Variants in EFCAB11 observed in about 807,000 individuals in gnomAD.
The protein encoded by EFCAB11 is EF-hand calcium binding domain 11, also known as EF-hand calcium-binding domain-containing protein 11.
In EFCAB11, 14 loss-of-function variants were observed where a neutral mutation model predicts 23.0. The observed-to-expected ratio is 0.61, with a 90% CI of 0.40 to 0.95. The LOEUF (loss-of-function observed/expected upper bound fraction) is 0.95, where lower values mean the gene tolerates loss of function less well. Ranked by LOEUF, EFCAB11 falls within the 40% of genes least tolerant of loss-of-function variation. The probability of loss-of-function intolerance (pLI) is 0.00; values close to 1 mark genes in which losing one functional copy is unlikely to be tolerated. For missense variants in EFCAB11, 198 were observed against 195.8 expected (o/e 1.01, Z -0.07); for synonymous variants, 65 against 66.6 (o/e 0.98, Z 0.11).
At chr14:89,925,162 A>C (rs539931519) in intron 5 of EFCAB11, among the ~76,000 whole-genome samples, 1 of 152,370 alleles carries the variant, frequency 6.6e-6, no homozygotes, top group East Asian at 1.9e-4. Flanking sequence ...AGAGAAAGGC[A>C]CTGCAAACAG....
intron 5 of EFCAB11, among the ~76,000 whole-genome samples, chr14:89,881,698 T>C (rs932010713): frequency 4.0e-5 from 6 of 151,606 alleles, no homozygotes; most frequent in Non-Finnish European, 7.4e-5. Flanking sequence ...TCTACCCACC[T>C]TGGCCTCACA....
intron 5 of EFCAB11, among the ~76,000 whole-genome samples, chr14:89,834,153 GACCACAAGGTCAGGAGATAGAA>G (rs1339904436): frequency 2.6e-5 from 4 of 151,110 alleles, no homozygotes; most frequent in East Asian, 1.9e-4. Context: ...AGGAGATAGA[GACCACAAGGTCAGGAGATAGAA>G]ACCATCCTGG....
intron 5 of EFCAB11, chr14:89,831,060 C>G (rs1886867617): frequency 6.6e-6 from 1 of 152,564 alleles, no homozygotes; most frequent in Non-Finnish European, 1.5e-5. Flanking sequence ...GGGGCAAAGG[C>G]AGAATCCTGG....
intron 5 of EFCAB11, among the ~76,000 whole-genome samples, chr14:89,919,185 TGAGAGAGAGAGA>T (rs890466242): frequency 7.2e-6 from 1 of 138,264 alleles, no homozygotes; most frequent in African/African-American, 3.1e-5. Context: ...TCACACTTGA[TGAGAGAGAGAGA>T]GAGAGACAGA....
intron 5 of EFCAB11, among the ~76,000 whole-genome samples, chr14:89,866,252 G>A (rs752634495): frequency 3.3e-5 from 5 of 152,190 alleles, no homozygotes; most frequent in East Asian, 3.9e-4. Context: ...AAATGACACC[G>A]TATGGCAAGA....
intron 5 of EFCAB11, among the ~76,000 whole-genome samples, chr14:89,832,050 C>T (rs1886904019): frequency 6.6e-6 from 1 of 152,140 alleles, no homozygotes; most frequent in Non-Finnish European, 1.5e-5. Flanking sequence ...TGGTGGCTCA[C>T]ACCTGTAATC....
rs761337580 is a variant in EFCAB11 at position 89,883,810 on chromosome 14, C to A, written c.410+47731G>T. On this transcript the variant is annotated intron_variant, in intron 5 of 5. Transcript: ENST00000316738. ...ACCTGTTAGATATAGACAAATTTAA[C>A]AGCATTGTGGAATCTACTACAAATA... Among the ~76,000 whole-genome samples, 4 of 152,114 alleles carry A rather than the reference C, an allele frequency of 2.6e-5. No homozygotes were observed. In the South Asian group the frequency reaches 8.3e-4, roughly 32 times the overall value.
At chr14:89,920,837 G>T (rs1264850310) in intron 5 of EFCAB11, among the ~76,000 whole-genome samples, 6 of 152,130 alleles carry the variant, frequency 3.9e-5, no homozygotes, top group Admixed American at 1.3e-4. Context: ...GTCCGAGGAG[G>T]GTGGATCACT....
chr14:89,942,309 T>C (rs1425204137), intron 3 of EFCAB11, among the ~76,000 whole-genome samples: 1 of 152,194 alleles, frequency 6.6e-6, no homozygotes, highest in Non-Finnish European at 1.5e-5. Flanking sequence ...TCATCACAGA[T>C]CTGCATGATA....
intron 5 of EFCAB11, among the ~76,000 whole-genome samples, chr14:89,811,733 T>C (rs1218333090): frequency 1.3e-5 from 2 of 152,168 alleles, no homozygotes; most frequent in African/African-American, 2.4e-5. Context: ...AGCAGGAATG[T>C]GGCCCTGCTG....
At chr14:89,840,110 T>C (rs1413768544) in intron 5 of EFCAB11, among the ~76,000 whole-genome samples, 2 of 152,238 alleles carry the variant, frequency 1.3e-5, no homozygotes, top group Admixed American at 6.5e-5. Flanking sequence ...CCTTGTACTA[T>C]ACTGTAGTCT....
rs562865054 is a variant in EFCAB11, at chr14:89,799,493, G to A, written c.411-2169C>T. On this transcript the variant is annotated intron_variant, in intron 5 of 5. Coordinates refer to ENST00000316738, the MANE Select transcript of EFCAB11 (RefSeq NM_145231.4). ...TGACAGAGAAGATGTACCGTGGGTAGAATTAGTGACTGGCTGAGGAGAGGA... is the reference window on the plus strand; with the variant it reads ...TGACAGAGAAGATGTACCGTGGGTAAAATTAGTGACTGGCTGAGGAGAGGA... 4 of 152,354 alleles carry A rather than the reference G, an allele frequency of 2.6e-5. No homozygotes were observed. In the East Asian group the frequency reaches 7.7e-4, roughly 29 times the overall value. 9.4% of individuals were successfully genotyped at this position (152,354 alleles called of 1,614,324 possible). A position where few individuals can be genotyped will look rare whatever the true frequency, so the allele number is the denominator to read the frequency against.
chr14:89,811,660 C>T (rs1886154278), intron 5 of EFCAB11, among the ~76,000 whole-genome samples: 1 of 152,112 alleles, frequency 6.6e-6, no homozygotes, highest in Non-Finnish European at 1.5e-5. Context: ...AGCCATGAAC[C>T]AAGGAAGGCA....
chr14:89,954,652 G>A lies in EFCAB11; in HGVS notation c.9C>T (p.Phe3=). The part of the protein sequence containing the change: MF[F]SEARARSRTW... ...TCCGCGACCTGGCTCTGGCCTCGGA[G>A]AAGAACATCGCGACTACAACAACCG... is the stretch of plus-strand genomic sequence containing the variant. The change falls in exon 1 of 6, where the codon TTC becomes TTT. Residue 3 remains phenylalanine, a synonymous_variant. Transcript: ENST00000316738. 6.2e-7 allele frequency: 1 copy of A among 1,612,072 alleles called. No homozygotes were observed. Among genetic ancestry groups the A allele is most frequent in the South Asian group, 1.1e-5 (1 of 90,964 alleles).
chr14:89,856,336 G>A (rs1416670668), intron 5 of EFCAB11, among the ~76,000 whole-genome samples: 2 of 151,908 alleles, frequency 1.3e-5, no homozygotes, highest in Admixed American at 6.6e-5. Context: ...CTACAGGCGC[G>A]TGCCACCACA....
At chr14:89,835,111 G>A (rs1304866345) in intron 5 of EFCAB11, among the ~76,000 whole-genome samples, 1 of 152,164 alleles carries the variant, frequency 6.6e-6, no homozygotes, top group Admixed American at 6.5e-5. Flanking sequence ...CATTTGCTGA[G>A]AGTGACAGGG....
Position 89,954,677 on chromosome 14 carries a change from G to A in EFCAB11, c.-17C>T, listed in dbSNP as rs945124450. 3 of 1,608,184 alleles carry A rather than the reference G, an allele frequency of 1.9e-6. No individual in the cohort carries two copies. The highest frequency in any genetic ancestry group is 8.5e-7 in the Non-Finnish European group (1 of 1,178,774). On this transcript the variant is annotated 5_prime_UTR_variant, in exon 1 of 6. Transcript: ENST00000316738. ...GAAGAACATCGCGACTACAACAACC[G>A]AGCCCCAGCAACCCAACCAGCTACC...
intron 3 of EFCAB11, among the ~76,000 whole-genome samples, chr14:89,940,218 C>T (rs560198659): frequency 6.6e-6 from 1 of 152,130 alleles, no homozygotes; most frequent in Non-Finnish European, 1.5e-5. Flanking sequence ...ATAAGGTAAC[C>T]TTAATGTGTA....
intron 5 of EFCAB11, among the ~76,000 whole-genome samples, chr14:89,808,603 A>G (rs1383314696): frequency 6.6e-6 from 1 of 152,236 alleles, no homozygotes; most frequent in Non-Finnish European, 1.5e-5. Flanking sequence ...CATGACTATA[A>G]TAAATTATTT....
Sources: gnomAD v4.1 joint callset for allele counts (sites outside exome capture counted in the v4.1 genomes callset) on GRCh38, gnomAD v4.1.1 for gene constraint, MANE v1.5 for transcripts, NCBI Gene and HGNC (gene_info 2026-07-23, HGNC 2026-07-21) for gene names.